TMEM63C: variants seen among roughly 807,000 people sequenced by gnomAD.
TMEM63C encodes the protein transmembrane protein 63C.
Under a neutral mutation model 99.2 loss-of-function variants are expected in TMEM63C, and 32 were observed. The ratio of observed to expected loss-of-function variants is 0.32; its 90% CI spans 0.24 to 0.43. The LOEUF is 0.43. Among genes scored for constraint, TMEM63C ranks in the 20% least tolerant of loss-of-function variants. TMEM63C has a pLI of 1.00. For synonymous variants in TMEM63C, 376 were observed against 397.9 expected (o/e 0.94, Z 0.66); for missense variants, 826 against 1,053.0 (o/e 0.78, Z 2.98).
chr14:77,196,783 G>A (rs994849479), intron 1 of TMEM63C, among the ~76,000 whole-genome samples: 3 of 152,220 alleles, frequency 2.0e-5, no homozygotes, highest in Non-Finnish European at 2.9e-5. Context: ...AGTTTCCAAT[G>A]TTGTGGTTGA....
At position 77,222,926 on chromosome 14, in the gene TMEM63C, G is replaced by A. The variant is rs189816369; in HGVS notation, c.313-2498G>A. Among the ~76,000 whole-genome samples the A allele has an allele frequency of 3.3e-5, 5 of 152,314 alleles. No homozygotes were observed. In the East Asian group the frequency reaches 7.7e-4, roughly 23 times the overall value. The stretch of plus-strand genomic sequence containing the variant: ...TCTGCTTTCCGCAGGCCCTGAACTT[G>A]GATTTGCTCACCACTGCACCCCACA... On this transcript the variant is annotated intron_variant, in intron 5 of 23. Transcript: ENST00000298351.
At chr14:77,191,283 G>A (rs1888099567) in intron 1 of TMEM63C, among the ~76,000 whole-genome samples, 1 of 152,046 alleles carries the variant, frequency 6.6e-6, no homozygotes, top group Non-Finnish European at 1.5e-5. Flanking sequence ...GATAAACAAA[G>A]CACACCTAAT....
chr14:77,251,336 A>G (rs890315610), intron 21 of TMEM63C, among the ~76,000 whole-genome samples: 2 of 152,240 alleles, frequency 1.3e-5, no homozygotes, highest in East Asian at 1.9e-4. Context: ...AAATATTCCC[A>G]AATGTAATGT....
intron 5 of TMEM63C, among the ~76,000 whole-genome samples, chr14:77,221,745 A>G (rs1888727287): frequency 7.1e-6 from 1 of 141,834 alleles, no homozygotes; most frequent in Non-Finnish European, 1.5e-5. Context: ...CACTCCACCC[A>G]GACAACCCTG....
At chr14:77,213,003 G>C (rs922714517) in intron 1 of TMEM63C, among the ~76,000 whole-genome samples, 1 of 152,220 alleles carries the variant, frequency 6.6e-6, no homozygotes, top group Admixed American at 6.5e-5. Flanking sequence ...TGTACTTCCA[G>C]GGGAAATAGA....
intron 1 of TMEM63C, among the ~76,000 whole-genome samples, chr14:77,210,988 C>T (rs1406693603): frequency 6.6e-6 from 1 of 152,182 alleles, no homozygotes; most frequent in East Asian, 1.9e-4. Context: ...GTCCTATGGA[C>T]CAGTTCCTGA....
chr14:77,239,712 A>G lies in TMEM63C; in HGVS notation c.916A>G (p.Thr306Ala). 6.2e-7 allele frequency: 1 copy of G among 1,613,102 alleles called. No individual in the cohort carries two copies. The highest frequency in any genetic ancestry group is 1.1e-5 in the South Asian group (1 of 90,848). The change falls in exon 12 of 24, where the codon ACC becomes GCC. Residue 306 changes from threonine to alanine, a missense_variant. Transcript: ENST00000298351. ...CARLCFCKCW[T>A]CFKEVDAEQY... ...CCGCCTGTGCTTCTGCAAGTGCTGG[A>G]CCTGCTTCAAGGAGGTAACTGGCTT...
chr14:77,188,846 A>G (rs1888050834), intron 1 of TMEM63C, among the ~76,000 whole-genome samples: 1 of 78,602 alleles, frequency 1.3e-5, no homozygotes, highest in East Asian at 6.7e-4. Flanking sequence ...AGCCTGGGCA[A>G]CCAAACAGAA....
At chr14:77,214,825 A>G (rs1273100428) in intron 2 of TMEM63C, among the ~76,000 whole-genome samples, 1 of 151,876 alleles carries the variant, frequency 6.6e-6, no homozygotes, top group Non-Finnish European at 1.5e-5. Context: ...TTTCAGCACC[A>G]AACATCCCAC....
At chr14:77,248,641 G>C in intron 19 of TMEM63C, 126 bp from the exon 20 acceptor site, 1 of 1,486,738 alleles carries the variant, frequency 6.7e-7, no homozygotes, top group Non-Finnish European at 9.3e-7. Flanking sequence ...GGGGCACCTT[G>C]GTCTACAGGG....
chr14:77,182,566 C>T (rs1887932412), intron 1 of TMEM63C, among the ~76,000 whole-genome samples: 1 of 152,134 alleles, frequency 6.6e-6, no homozygotes, highest in Admixed American at 6.5e-5. Flanking sequence ...CAGAGCTGGC[C>T]TCCCAGGCAC....
intron 8 of TMEM63C, 139 bp downstream of exon 8, chr14:77,233,639 T>C: frequency 2.3e-6 from 2 of 853,582 alleles, no homozygotes; most frequent in Non-Finnish European, 3.8e-6. Flanking sequence ...GGGTCCTGAG[T>C]GAGATGCCAG....
intron 23 of TMEM63C, among the ~76,000 whole-genome samples, chr14:77,254,212 C>T (rs1456043788): frequency 6.6e-6 from 1 of 152,172 alleles, no homozygotes; most frequent in Non-Finnish European, 1.5e-5. Flanking sequence ...GCTTGGGGGA[C>T]TCAAGACAGT....
chr14:77,249,120 A>G (rs894672397), intron 20 of TMEM63C, among the ~76,000 whole-genome samples, 171 bp from the exon 21 acceptor site: 34 of 152,120 alleles, frequency 2.2e-4, no homozygotes, highest in African/African-American at 7.7e-4. Flanking sequence ...TCGGGGCTCA[A>G]GGGAAGCTGC....
intron 1 of TMEM63C, among the ~76,000 whole-genome samples, chr14:77,186,357 T>C (rs576739273): frequency 6.6e-6 from 1 of 152,254 alleles, no homozygotes; most frequent in South Asian, 2.1e-4. Flanking sequence ...CAAGAATGGC[T>C]GACCAACAAT....
At position 77,251,645 on chromosome 14, in the gene TMEM63C, C is replaced by A. The variant is rs987973340; in HGVS notation, c.2039-144C>A. ...AAAGGGATGATGTTATTTTGTCAGA[C>A]TCCTAGATGCCAGTTGTTATCAGAG... On this transcript the variant is annotated intron_variant, in intron 21 of 23. Coordinates refer to ENST00000298351, the MANE Select transcript of TMEM63C (RefSeq NM_020431.4). 6.3e-5 allele frequency: 41 copies of A among 648,142 alleles called. No individual in the cohort carries two copies. In the East Asian group the frequency reaches 1.0e-3, roughly 17 times the overall value. 40.1% of individuals were successfully genotyped at this position (648,142 alleles called of 1,614,324 possible). A position where few individuals can be genotyped will look rare whatever the true frequency, so the allele number is the denominator to read the frequency against.
chr14:77,235,512 T>A (rs8010168), intron 8 of TMEM63C, among the ~76,000 whole-genome samples: 2,019 of 2,062 alleles, frequency 0.98, 994 homozygotes, highest in East Asian at 1. Flanking sequence ...TGGGTGGCGG[T>A]TATGGGGAGA....
chr14:77,246,904 T>A (rs565134533), intron 18 of TMEM63C, among the ~76,000 whole-genome samples: 157 of 152,296 alleles, frequency 1.0e-3, no homozygotes, highest in South Asian at 6.0e-3. Flanking sequence ...AATTGTATAG[T>A]CACAGGAAGT....
intron 6 of TMEM63C, among the ~76,000 whole-genome samples, chr14:77,225,724 C>T (rs911452726): frequency 1.3e-5 from 2 of 152,166 alleles, no homozygotes; most frequent in Non-Finnish European, 2.9e-5. Flanking sequence ...TCATTACTCG[C>T]GTGCTTATAG....
Sources: allele counts gnomAD v4.1 joint callset (sites outside exome capture counted in the v4.1 genomes callset), GRCh38; gene constraint gnomAD v4.1.1; transcripts MANE v1.5; gene names NCBI Gene and HGNC (gene_info 2026-07-23, HGNC 2026-07-21).